The following GSE1 variants were observed in gnomAD, a reference collection of about 807,000 sequenced individuals.
The protein encoded by GSE1 is genetic suppressor element 1.
GSE1 carries 32 observed loss-of-function variants against 112.6 expected under a neutral mutation model. The observed-to-expected ratio is 0.28, with a 90% CI of 0.21 to 0.38. GSE1 has a LOEUF of 0.38. Ranked by LOEUF, GSE1 falls within the 10% of genes least tolerant of loss-of-function variation. The pLI is 1.00. For missense variants in GSE1, 2,348 were observed against 1,699.2 expected (o/e 1.38, Z -6.71); for synonymous variants, 1,115 against 735.6 (o/e 1.52, Z -8.35).
chr16:85,265,224 G>T (rs185755888), intron 1 of GSE1, among the ~76,000 whole-genome samples: 20 of 152,292 alleles, frequency 1.3e-4, no homozygotes, highest in Non-Finnish European at 2.4e-4. Flanking sequence ...CTGGAGTGTG[G>T]ACAGGACGCT....
At chr16:85,295,013 G>C (rs2045328203) in intron 1 of GSE1, among the ~76,000 whole-genome samples, 2 of 151,792 alleles carry the variant, frequency 1.3e-5, no homozygotes, top group Admixed American at 1.3e-4. Flanking sequence ...GGCCTCCCAA[G>C]GTTCTAGGAT....
At chr16:85,236,535 A>G (rs1411312369) in intron 1 of GSE1, among the ~76,000 whole-genome samples, 2 of 151,924 alleles carry the variant, frequency 1.3e-5, no homozygotes, top group African/African-American at 2.4e-5. Flanking sequence ...GGGTGTGGGT[A>G]CCTTCCGTGT....
chr16:85,599,037 G>T (rs373304819), intron 1 of GSE1, among the ~76,000 whole-genome samples: 2 of 152,188 alleles, frequency 1.3e-5, no homozygotes, highest in Non-Finnish European at 2.9e-5. Flanking sequence ...TCCAGTAACC[G>T]CAGGAGACGT....
At chr16:85,208,885 G>A (rs2075169948) in intron 1 of GSE1, among the ~76,000 whole-genome samples, 1 of 121,496 alleles carries the variant, frequency 8.2e-6, no homozygotes, top group Admixed American at 8.1e-5. Context: ...TTCACCACGT[G>A]TTGGGGTTTG....
intron 2 of GSE1, among the ~76,000 whole-genome samples, chr16:85,428,903 C>T (rs190233194): frequency 1.6e-4 from 24 of 152,266 alleles, no homozygotes; most frequent in African/African-American, 4.1e-4. Context: ...TGTCACTGGC[C>T]GGTGAGCTGT....
intron 2 of GSE1, among the ~76,000 whole-genome samples, chr16:85,387,590 G>A (rs1388869338): frequency 6.6e-6 from 1 of 152,208 alleles, no homozygotes; most frequent in Non-Finnish European, 1.5e-5. Flanking sequence ...GACATCACCT[G>A]CTTTCATGTT....
At chr16:85,466,142 C>T (rs984052726) in intron 2 of GSE1, among the ~76,000 whole-genome samples, 5 of 152,314 alleles carry the variant, frequency 3.3e-5, no homozygotes, top group East Asian at 3.9e-4. Flanking sequence ...GAGTGGAACA[C>T]GTGGTCAGTG....
At chr16:85,246,071 T>A (rs1905632667) in intron 1 of GSE1, among the ~76,000 whole-genome samples, 1 of 151,726 alleles carries the variant, frequency 6.6e-6, no homozygotes, top group African/African-American at 2.4e-5. Context: ...TGTGTGTGAC[T>A]GTGTGAATGC....
intron 1 of GSE1, among the ~76,000 whole-genome samples, chr16:85,293,619 G>C (rs562603270): frequency 6.6e-6 from 1 of 152,144 alleles, no homozygotes; most frequent in Non-Finnish European, 1.5e-5. Context: ...CTGGAGATCC[G>C]AAGTCCGGAA....
chr16:85,341,982 C>T lies in GSE1; in HGVS notation c.2284-15481C>T, dbSNP rs542224862. On this transcript the variant is annotated intron_variant, in intron 1 of 2. Coordinates refer to the GSE1 transcript ENST00000637419. ...GGTCTCTCGGCAGTGGAATAGAGAC[C>T]GGCAGGTGGTCTCTCTATCCCTGGG... Among the ~76,000 whole-genome samples the T allele has an allele frequency of 3.8e-4, 58 of 152,198 alleles. 1 individual carries two copies. The South Asian group carries it at 1.0e-2, about 26-fold the overall frequency.
chr16:85,585,725 GT>G (rs1217337169), intron 1 of GSE1, among the ~76,000 whole-genome samples: 1 of 152,224 alleles, frequency 6.6e-6, no homozygotes, highest in African/African-American at 2.4e-5. Context: ...CACTTTCCTT[GT>G]TTATAGAGCT....
chr16:85,624,808 A>G (rs2048961775), intron 1 of GSE1, among the ~76,000 whole-genome samples: 1 of 152,140 alleles, frequency 6.6e-6, no homozygotes. Flanking sequence ...AGAATGTGAC[A>G]AGGGACCCCA....
At chr16:85,457,754 G>C (rs765611995) in intron 2 of GSE1, among the ~76,000 whole-genome samples, 7 of 152,256 alleles carry the variant, frequency 4.6e-5, no homozygotes, top group Non-Finnish European at 1.0e-4. Flanking sequence ...GTGGCAGGCT[G>C]TAGGGGTGGA....
At chr16:85,208,351 C>T (rs1216533703) in intron 1 of GSE1, among the ~76,000 whole-genome samples, 4 of 152,208 alleles carry the variant, frequency 2.6e-5, no homozygotes, top group African/African-American at 7.2e-5. Flanking sequence ...AGCCATCGCC[C>T]GTGGCATCTC....
intron 14 of GSE1, among the ~76,000 whole-genome samples, chr16:85,670,346 GA>G (rs2053231039): frequency 6.6e-6 from 1 of 152,190 alleles, no homozygotes; most frequent in African/African-American, 2.4e-5. Context: ...ATTAAAGAGT[GA>G]AGGTTCCCAT....
At chr16:85,246,481 A>ACG (rs1456296114) in intron 1 of GSE1, among the ~76,000 whole-genome samples, 2 of 105,490 alleles carry the variant, frequency 1.9e-5, no homozygotes, top group African/African-American at 7.0e-5. Flanking sequence ...GCACACACAC[A>ACG]CACACACACA....
intron 1 of GSE1, among the ~76,000 whole-genome samples, chr16:85,217,396 T>C (rs762977079): frequency 2.2e-4 from 34 of 152,130 alleles, no homozygotes; most frequent in African/African-American, 3.6e-4. Flanking sequence ...CCTGGGACCA[T>C]GCGAAGGCTG....
intron 3 of GSE1, among the ~76,000 whole-genome samples, chr16:85,649,497 G>A (rs191558529): frequency 4.6e-5 from 7 of 152,148 alleles, no homozygotes; most frequent in South Asian, 2.1e-4. Context: ...CCAAGTTTTC[G>A]GGGCTCCTTA....
intron 1 of GSE1, among the ~76,000 whole-genome samples, chr16:85,337,837 C>G (rs72809699): frequency 0.017 from 2,561 of 152,372 alleles, 24 homozygotes; most frequent in Non-Finnish European, 0.026. Flanking sequence ...TCACTGCATG[C>G]GGCGCCGTCA....
Sources: gnomAD v4.1 joint callset for allele counts (sites outside exome capture counted in the v4.1 genomes callset) on GRCh38, gnomAD v4.1.1 for gene constraint, MANE v1.5 for transcripts, NCBI Gene and HGNC (gene_info 2026-07-23, HGNC 2026-07-21) for gene names.